The following CRACD variants were observed in gnomAD, a reference collection of about 807,000 sequenced individuals.
The protein encoded by CRACD is capping protein inhibiting regulator of actin dynamics.
Under a neutral mutation model 106.8 loss-of-function variants are expected in CRACD, and 56 were observed. That is an observed-to-expected ratio of 0.52 (90% CI 0.42 to 0.66). The LOEUF (loss-of-function observed/expected upper bound fraction) is 0.66, where lower values mean the gene tolerates loss of function less well. Ranked by LOEUF, CRACD falls within the 30% of genes least tolerant of loss-of-function variation. The pLI is 0.00. For synonymous variants in CRACD, 754 were observed against 670.8 expected, an observed-to-expected ratio of 1.12 and a Z score of -1.92; for missense variants, 1,730 against 1,623.2, an observed-to-expected ratio of 1.07 and a Z score of -1.13.
chr4:56,155,835 A>G (rs1190808542), intron 1 of CRACD, among the ~76,000 whole-genome samples: 1 of 152,188 alleles, frequency 6.6e-6, no homozygotes, highest in African/African-American at 2.4e-5. Context: ...AGAGATACTA[A>G]TTGTGATAAC....
chr4:56,228,497 C>T (rs565861326), intron 2 of CRACD, among the ~76,000 whole-genome samples: 1 of 151,462 alleles, frequency 6.6e-6, no homozygotes, highest in Non-Finnish European at 1.5e-5. Context: ...GATGGTAGCT[C>T]ATGCCTGTAA....
intron 2 of CRACD, among the ~76,000 whole-genome samples, chr4:56,210,521 A>G (rs1406164244): frequency 2.6e-5 from 4 of 152,214 alleles, no homozygotes. Context: ...TTAGGGAGGC[A>G]ACTCTAAGTT....
intron 3 of CRACD, among the ~76,000 whole-genome samples, chr4:56,293,396 A>G (rs1271213295): frequency 6.6e-6 from 1 of 152,240 alleles, no homozygotes; most frequent in African/African-American, 2.4e-5. Flanking sequence ...ACCCTGCTAC[A>G]CCAGAGTAAA....
At chr4:56,311,940 T>C (rs1745184326) in intron 6 of CRACD, among the ~76,000 whole-genome samples, 1 of 152,158 alleles carries the variant, frequency 6.6e-6, no homozygotes, top group Admixed American at 6.5e-5. Context: ...TGTGTCACGA[T>C]CTCTCTGATC....
At chr4:56,226,671 G>T (rs765694199) in intron 2 of CRACD, among the ~76,000 whole-genome samples, 2 of 152,126 alleles carry the variant, frequency 1.3e-5, no homozygotes, top group Non-Finnish European at 2.9e-5. Flanking sequence ...CTAATGTGAG[G>T]TGTTTGGGTC....
intron 2 of CRACD, among the ~76,000 whole-genome samples, chr4:56,241,828 G>A (rs986287905): frequency 6.6e-6 from 1 of 152,216 alleles, no homozygotes; most frequent in Non-Finnish European, 1.5e-5. Context: ...GGAAGGATGA[G>A]TAGGAGTGAG....
intron 5 of CRACD, among the ~76,000 whole-genome samples, chr4:56,310,150 T>G (rs1745041240): frequency 6.6e-6 from 1 of 152,138 alleles, no homozygotes; most frequent in African/African-American, 2.4e-5. Flanking sequence ...GCCTTTTTCT[T>G]CTCCCTTTCT....
chr4:56,157,872 G>A (rs1735816218), intron 1 of CRACD, among the ~76,000 whole-genome samples: 1 of 152,136 alleles, frequency 6.6e-6, no homozygotes, highest in African/African-American at 2.4e-5. Flanking sequence ...TTCATTTTGA[G>A]TGCCTGGGGC....
intron 1 of CRACD, among the ~76,000 whole-genome samples, chr4:56,164,779 G>C (rs1247527332): frequency 7.9e-5 from 12 of 152,136 alleles, no homozygotes; most frequent in Admixed American, 7.9e-4. Flanking sequence ...ACATAAGAAG[G>C]GTGGTAAGTT....
chr4:56,209,971 T>A (rs1738319353), intron 2 of CRACD, among the ~76,000 whole-genome samples: 1 of 152,130 alleles, frequency 6.6e-6, no homozygotes, highest in Non-Finnish European at 1.5e-5. Flanking sequence ...GTGAGGTCGA[T>A]GCCCTGGAGG....
At chr4:56,266,459 C>T (rs1443270594) in intron 2 of CRACD, among the ~76,000 whole-genome samples, 1 of 152,222 alleles carries the variant, frequency 6.6e-6, no homozygotes, top group African/African-American at 2.4e-5. Flanking sequence ...CTTCTTCCCA[C>T]TGCCCAACCA....
intron 2 of CRACD, among the ~76,000 whole-genome samples, chr4:56,210,017 C>T (rs1001665937): frequency 5.3e-5 from 8 of 152,142 alleles, no homozygotes; most frequent in Admixed American, 3.9e-4. Context: ...GGCCAAAGCT[C>T]AGGCAGGAAG....
intron 5 of CRACD, chr4:56,309,160 A>G (rs1480180923): frequency 7.9e-6 from 3 of 380,678 alleles, no homozygotes; most frequent in Non-Finnish European, 1.6e-5. Context: ...GGAGTGTAGC[A>G]GGACCCTAGT....
chr4:56,330,184 T>C lies in CRACD; in HGVS notation c.*2380T>C, dbSNP rs1042937077. Among the ~76,000 whole-genome samples the C allele has an allele frequency of 8.3e-6, 1 of 121,212 alleles. No homozygotes were observed. Among genetic ancestry groups the C allele is most frequent in the Non-Finnish European group, 1.8e-5 (1 of 56,704 alleles). The allele number at this position is 121,212 out of a possible 152,430, so 79.5% of individuals were successfully genotyped here. The stretch of plus-strand genomic sequence containing the variant: ...TTAAATGAATGATCACTATGTTAAA[T>C]GCAAACTTTTTTTTTTTTTTATTTA... On this transcript the variant is annotated 3_prime_UTR_variant, in exon 11 of 11. Transcript: ENST00000682029.
intron 1 of CRACD, among the ~76,000 whole-genome samples, chr4:56,063,314 G>A (rs981122713): frequency 6.6e-6 from 1 of 151,942 alleles, no homozygotes; most frequent in South Asian, 2.1e-4. Flanking sequence ...TGCCTCAGCC[G>A]CTCAAGTAGC....
At chr4:56,157,589 A>G (rs1017094280) in intron 1 of CRACD, among the ~76,000 whole-genome samples, 5 of 152,204 alleles carry the variant, frequency 3.3e-5, no homozygotes, top group African/African-American at 9.6e-5. Context: ...TGGGTTGCCT[A>G]AAGAATCACC....
chr4:56,263,964 A>G (rs762398645), intron 2 of CRACD, among the ~76,000 whole-genome samples: 6 of 152,136 alleles, frequency 3.9e-5, no homozygotes, highest in Non-Finnish European at 8.8e-5. Flanking sequence ...TGGGTAATTT[A>G]TGGAGAAAAG....
intron 2 of CRACD, among the ~76,000 whole-genome samples, chr4:56,212,580 A>G (rs1360016040): frequency 1.3e-5 from 2 of 152,214 alleles, no homozygotes; most frequent in Non-Finnish European, 2.9e-5. Context: ...AAATGTAGGC[A>G]TAGCTGGACA....
At chr4:56,253,108 G>A (rs1577807159) in intron 2 of CRACD, among the ~76,000 whole-genome samples, 1 of 152,274 alleles carries the variant, frequency 6.6e-6, no homozygotes, top group East Asian at 1.9e-4. Flanking sequence ...CCTAGGAGTA[G>A]AGACCTGCAT....
Sources: gnomAD v4.1 joint callset for allele counts (sites outside exome capture counted in the v4.1 genomes callset) on GRCh38, gnomAD v4.1.1 for gene constraint, MANE v1.5 for transcripts, NCBI Gene and HGNC (gene_info 2026-07-23, HGNC 2026-07-21) for gene names.